The following SNX29 variants were observed in gnomAD, a reference collection of about 807,000 sequenced individuals.
SNX29 encodes sorting nexin 29, also known as sorting nexin-29.
A neutral mutation model predicts 102.1 loss-of-function variants in SNX29; 78 were observed. That is an observed-to-expected ratio of 0.76 (90% CI 0.64 to 0.92). The LOEUF (loss-of-function observed/expected upper bound fraction) is 0.92, where lower values mean the gene tolerates loss of function less well. Among genes scored for constraint, SNX29 ranks in the 40% least tolerant of loss-of-function variants. The probability of loss-of-function intolerance (pLI) is 0.00; values close to 1 mark genes in which losing one functional copy is unlikely to be tolerated. For synonymous variants in SNX29, 580 were observed against 414.5 expected, an observed-to-expected ratio of 1.40 and a Z score of -4.85; for missense variants, 1,280 against 1,061.7, an observed-to-expected ratio of 1.21 and a Z score of -2.86.
At chr16:12,459,293 G>A (rs2151746466) in intron 18 of SNX29, among the ~76,000 whole-genome samples, 1 of 151,936 alleles carries the variant, frequency 6.6e-6, no homozygotes, top group Admixed American at 6.6e-5. Context: ...AAGAAATGTG[G>A]CTATGAAACC....
At chr16:12,466,621 C>T (rs1043289967) in intron 18 of SNX29, among the ~76,000 whole-genome samples, 1 of 152,154 alleles carries the variant, frequency 6.6e-6, no homozygotes. Flanking sequence ...CTTGAAAAGG[C>T]CAGCTTCCTA....
At position 12,568,663 on chromosome 16, in the gene SNX29, T is replaced by G. The variant is rs774794984; in HGVS notation, c.*34T>G. On this transcript the variant is annotated 3_prime_UTR_variant, in exon 21 of 21. Coordinates refer to ENST00000566228, the MANE Select transcript of SNX29 (RefSeq NM_032167.5). Reference sequence around the variant, plus strand: ...AAACCGCAGCCACGGGCCCTGTGCGTGGCACCAGCTGCGTCCACCCCAGCC... The same window carrying G: ...AAACCGCAGCCACGGGCCCTGTGCGGGGCACCAGCTGCGTCCACCCCAGCC... 18 of 1,593,492 alleles carry G rather than the reference T, an allele frequency of 1.1e-5. No homozygotes were observed. In the Admixed American group the frequency reaches 3.0e-4, roughly 27 times the overall value.
At chr16:12,209,211 G>C (rs1368759728) in intron 14 of SNX29, among the ~76,000 whole-genome samples, 2 of 152,158 alleles carry the variant, frequency 1.3e-5, no homozygotes, top group African/African-American at 4.8e-5. Flanking sequence ...ACTCTGTGAC[G>C]GTTTGGAGCC....
chr16:12,460,424 A>G (rs2086728385), intron 18 of SNX29, among the ~76,000 whole-genome samples: 1 of 152,176 alleles, frequency 6.6e-6, no homozygotes, highest in African/African-American at 2.4e-5. Flanking sequence ...TAGTGTAACC[A>G]AAGTAGAAAA....
At chr16:12,139,923 G>A (rs180837235) in intron 13 of SNX29, among the ~76,000 whole-genome samples, 1 of 143,904 alleles carries the variant, frequency 6.9e-6, no homozygotes, top group East Asian at 2.2e-4. Context: ...CAAGGCTGCA[G>A]TGAGCTGAGA....
At chr16:12,324,813 G>A (rs1047463537) in intron 15 of SNX29, among the ~76,000 whole-genome samples, 1 of 152,040 alleles carries the variant, frequency 6.6e-6, no homozygotes, top group African/African-American at 2.4e-5. Context: ...GGAGGTTGCT[G>A]AAAACCGAAA....
At chr16:12,299,902 G>T (rs2080109851) in intron 15 of SNX29, among the ~76,000 whole-genome samples, 2 of 149,326 alleles carry the variant, frequency 1.3e-5, no homozygotes, top group Non-Finnish European at 1.5e-5. Flanking sequence ...ATCGAGTCTT[G>T]CTCTGTCACG....
intron 18 of SNX29, among the ~76,000 whole-genome samples, chr16:12,469,724 G>T (rs1417581565): frequency 6.6e-6 from 1 of 152,164 alleles, no homozygotes; most frequent in Admixed American, 6.5e-5. Flanking sequence ...AAACTGCAGG[G>T]CTGGCTGGGC....
At chr16:12,034,987 G>A (rs1314362897) in intron 4 of SNX29, among the ~76,000 whole-genome samples, 3 of 152,024 alleles carry the variant, frequency 2.0e-5, no homozygotes, top group Non-Finnish European at 4.4e-5. Flanking sequence ...CTCCAGCCTG[G>A]GCGACAGAGC....
chr16:12,211,693 C>G (rs2077188021), intron 14 of SNX29, among the ~76,000 whole-genome samples: 1 of 152,152 alleles, frequency 6.6e-6, no homozygotes, highest in Admixed American at 6.5e-5. Flanking sequence ...CAGAGAGAAA[C>G]TGATGTTGCA....
chr16:12,061,635 A>G lies in SNX29; in HGVS notation c.1232A>G (p.Tyr411Cys). ...TTCCCTGTCAGTGGCGTGGGCTCCT[A>G]CAGCCCAGCAGGTGGGTGTCTCCCG... ...ILFPVSGVGS[Y>C]SPADAPLGSL... The change falls in exon 9 of 21, where the codon TAC becomes TGC. Residue 411 changes from tyrosine (Y) to cysteine (C), a missense_variant. Coordinates refer to ENST00000566228, the MANE Select transcript of SNX29 (RefSeq NM_032167.5). 1.9e-6 allele frequency: 3 copies of G among 1,610,766 alleles called. No homozygotes were observed. The highest frequency in any genetic ancestry group is 1.7e-6 in the Non-Finnish European group (2 of 1,178,656).
chr16:12,056,512 T>C (rs1045493894), intron 8 of SNX29, among the ~76,000 whole-genome samples: 8 of 152,140 alleles, frequency 5.3e-5, no homozygotes, highest in Non-Finnish European at 8.8e-5. Context: ...ACAGGGAAGG[T>C]TGAGGGGGCT....
At chr16:12,247,077 C>CT (rs2078281161) in intron 14 of SNX29, among the ~76,000 whole-genome samples, 1 of 152,062 alleles carries the variant, frequency 6.6e-6, no homozygotes, top group Admixed American at 6.5e-5. Context: ...GATAGAAAAC[C>CT]TTTGAAGAGT....
At chr16:12,266,685 T>C (rs1275576898) in intron 14 of SNX29, among the ~76,000 whole-genome samples, 1 of 10,162 alleles carries the variant, frequency 9.8e-5, no homozygotes. Context: ...CATCTATTAT[T>C]GAAAAAAAAA....
chr16:12,540,310 C>G (rs760320352), intron 20 of SNX29, among the ~76,000 whole-genome samples: 21 of 152,190 alleles, frequency 1.4e-4, no homozygotes, highest in Non-Finnish European at 2.8e-4. Context: ...TGGCCCCACC[C>G]TCTTGGGACC....
chr16:12,049,773 TG>T (rs1368406856), intron 7 of SNX29, among the ~76,000 whole-genome samples: 1 of 152,136 alleles, frequency 6.6e-6, no homozygotes, highest in East Asian at 1.9e-4. Flanking sequence ...TTGGAAATTT[TG>T]TTGTAGTATG....
At chr16:12,422,428 C>G (rs1259775576) in intron 18 of SNX29, among the ~76,000 whole-genome samples, 1 of 152,208 alleles carries the variant, frequency 6.6e-6, no homozygotes, top group East Asian at 1.9e-4. Context: ...GTGGGGCAGA[C>G]TTGGTAACAT....
chr16:12,545,145 G>GA (rs2077530333), intron 20 of SNX29, among the ~76,000 whole-genome samples: 1 of 152,174 alleles, frequency 6.6e-6, no homozygotes, highest in Non-Finnish European at 1.5e-5. Flanking sequence ...GCACAGCTAT[G>GA]AAGTACAGAC....
rs141201704 is a variant in SNX29 at position 12,058,988 on chromosome 16, C to G, written c.1125-2540C>G. 4.9e-3 allele frequency among the ~76,000 whole-genome samples: 737 copies of G among 151,392 alleles called. 3 individuals are homozygous for G. Among genetic ancestry groups the G allele is most frequent in the South Asian group, 0.025 (118 of 4,772 alleles). Reference sequence around the variant, plus strand: ...TTAAATTTTTTGTAGAGACAGGGCTCGAACTCTTGGGCTCAAGTGATCCTT... The same window carrying G: ...TTAAATTTTTTGTAGAGACAGGGCTGGAACTCTTGGGCTCAAGTGATCCTT... On this transcript the variant is annotated intron_variant, in intron 8 of 20. Transcript: ENST00000566228.
Sources: gnomAD v4.1 joint callset for allele counts (sites outside exome capture counted in the v4.1 genomes callset) on GRCh38, gnomAD v4.1.1 for gene constraint, MANE v1.5 for transcripts, NCBI Gene and HGNC (gene_info 2026-07-23, HGNC 2026-07-21) for gene names.